Variants in THAP6 observed in about 807,000 individuals in gnomAD.
THAP6 encodes THAP domain containing 6, also known as THAP domain-containing protein 6.
THAP6 carries 13 observed loss-of-function variants against 20.0 expected under a neutral mutation model. The observed-to-expected ratio is 0.65, with a 90% confidence interval of 0.42 to 1.03. The LOEUF (loss-of-function observed/expected upper bound fraction) is 1.03. Among genes scored for constraint, THAP6 ranks in the 50% least tolerant of loss-of-function variants. The pLI, the probability that THAP6 is intolerant of heterozygous loss-of-function variation, is 0.00. For synonymous variants in THAP6, 93 were observed against 92.2 expected (o/e 1.01, Z -0.05); for missense variants, 262 against 261.6 (o/e 1.00, Z -0.01).
In THAP6 at chr4:75,515,436, T is replaced by C. The variant is rs1725512285; in HGVS notation, c.-17T>C. ...TAACATTCTAATTTTCTTTCAGTTT[T>C]GTTATGAGTTGCTAAAATGGTGAAA... On this transcript the variant is annotated 5_prime_UTR_variant, in exon 2 of 5. Transcript: ENST00000311638. 1.2e-6 allele frequency: 2 copies of C among 1,611,878 alleles called. No individual in the cohort carries two copies. The highest frequency in any genetic ancestry group is 3.3e-5 in the Admixed American group (2 of 60,002).
chr4:75,535,143 A>C (rs1159376609), intron 2 of THAP6, among the ~76,000 whole-genome samples: 1 of 152,064 alleles, frequency 6.6e-6, no homozygotes, highest in African/African-American at 2.4e-5. Context: ...ATCAGATCTC[A>C]TGAGACCCAT....
upstream of THAP6, chr4:75,514,423 C>G (rs182807912): frequency 1.7e-3 from 1,609 of 968,856 alleles, 23 homozygotes; most frequent in African/African-American, 0.024. Context: ...GCACGTGACC[C>G]GGGGCAGACG....
rs961444700 is a variant in THAP6 at position 75,515,431 on chromosome 4, A to G, written c.-20-2A>G. On this transcript the variant is annotated splice_acceptor_variant, in intron 1 of 4. Coordinates refer to ENST00000311638, the MANE Select transcript of THAP6 (RefSeq NM_144721.6). LOFTEE classifies it low-confidence loss of function (5UTR_SPLICE). ...ACTCTTAACATTCTAATTTTCTTTC[A>G]GTTTTGTTATGAGTTGCTAAAATGG... The G allele has an allele frequency of 6.2e-7, 1 of 1,609,764 alleles. No homozygotes were observed.
chr4:75,532,591 G>A (rs1726716577), downstream of THAP6, among the ~76,000 whole-genome samples: 1 of 152,192 alleles, frequency 6.6e-6, no homozygotes, highest in Admixed American at 6.5e-5. Context: ...CTTCTGCACT[G>A]CCCTAGCAGA....
Position 75,516,909 on chromosome 4 carries a change from G to C in THAP6, c.218G>C (p.Arg73Thr). The C allele has an allele frequency of 6.2e-7, 1 of 1,613,660 alleles. No homozygotes were observed. The highest frequency in any genetic ancestry group is 8.5e-7 in the Non-Finnish European group (1 of 1,179,952). ...CACTTTAAGAAGACAGATTTTGACA[G>C]AAGTGCTCCAAATATTAAACTGAAA... is the stretch of plus-strand genomic sequence containing the variant. ...SRHFKKTDFD[R>T]SAPNIKLKPG... Residue 73 changes from arginine to threonine, a missense_variant, in exon 3 of 5, where the codon AGA becomes ACA. By Grantham distance (71) the Arg-to-Thr change is moderately conservative. Transcript: ENST00000311638.
intron 2 of THAP6, among the ~76,000 whole-genome samples, chr4:75,538,737 A>G (rs1578282301): frequency 6.6e-6 from 1 of 152,334 alleles, no homozygotes; most frequent in East Asian, 1.9e-4. Flanking sequence ...CACGCTCAAG[A>G]TAAACAACTG....
rs192098463 is a variant in THAP6, at chr4:75,547,253, C to T, written c.244-2352C>T. Among the ~76,000 whole-genome samples, 652 of 152,250 alleles carry T rather than the reference C, an allele frequency of 4.3e-3. 4 individuals carry two copies. Among genetic ancestry groups the T allele is most frequent in the Admixed American group, 7.6e-3 (116 of 15,294 alleles). On this transcript the variant is annotated intron_variant, in intron 3 of 4. Transcript: ENST00000502620. ...CTAATCAAGATTTGGTTCTTCTGTA[C>T]ACTTAAAAGTGGTTAAAATGGTCAA... is the stretch of plus-strand genomic sequence containing the variant.
At chr4:75,538,606 G>A (rs549752346) in intron 2 of THAP6, among the ~76,000 whole-genome samples, 2 of 152,300 alleles carry the variant, frequency 1.3e-5, no homozygotes, top group South Asian at 2.1e-4. Flanking sequence ...CCTGGGTAGC[G>A]CCTGAGCCAT....
chr4:75,523,833 T>G (rs1726194788), intron 4 of THAP6, among the ~76,000 whole-genome samples: 1 of 151,526 alleles, frequency 6.6e-6, no homozygotes, highest in African/African-American at 2.4e-5. Flanking sequence ...AAAAGAAATC[T>G]TAGCCCAGAC....
chr4:75,531,061 A>G (rs1726665898), downstream of THAP6, among the ~76,000 whole-genome samples: 1 of 152,256 alleles, frequency 6.6e-6, no homozygotes, highest in Non-Finnish European at 1.5e-5. Context: ...AAGGCCTGCA[A>G]GGTTGCAAGG....
intron 3 of THAP6, among the ~76,000 whole-genome samples, chr4:75,519,885 A>G (rs1725916102): frequency 6.6e-6 from 1 of 151,838 alleles, no homozygotes; most frequent in South Asian, 2.1e-4. Context: ...CTAGTTCTAG[A>G]TCCCTGAGGA....
In THAP6 at chr4:75,516,910, A is replaced by T. The variant is rs1217577854; in HGVS notation, c.219A>T (p.Arg73Ser). The change falls in exon 3 of 5, where the codon AGA becomes AGT. Residue 73 changes from arginine to serine, a missense_variant. Physicochemically the swap from Arg to Ser is moderately radical, Grantham distance 110. Coordinates refer to ENST00000311638, the MANE Select transcript of THAP6 (RefSeq NM_144721.6). The stretch of plus-strand genomic sequence containing the variant: ...ACTTTAAGAAGACAGATTTTGACAG[A>T]AGTGCTCCAAATATTAAACTGAAAC... ...SRHFKKTDFDRSAPNIKLKPG... is the reference protein window; with the variant it reads ...SRHFKKTDFDSSAPNIKLKPG... The T allele has an allele frequency of 3.1e-6, 5 of 1,613,930 alleles. No individual in the cohort carries two copies. The Admixed American group carries it at 8.3e-5, about 27-fold the overall frequency.
Position 75,519,574 on chromosome 4 carries a change from C to T in THAP6, c.289-2162C>T, listed in dbSNP as rs192322678. On this transcript the variant is annotated intron_variant, in intron 3 of 4. Transcript: ENST00000311638. ...TTTCCCACCTGTGAGTGAGAATACG[C>T]GGTGTTTGGTTTTTTGTTCTTGCGA... Among the ~76,000 whole-genome samples, 239 of 150,626 alleles carry T rather than the reference C, an allele frequency of 1.6e-3. 1 individual carries two copies. The highest frequency in any genetic ancestry group is 2.8e-3 in the Admixed American group (42 of 14,998).
chr4:75,543,636 A>G (rs1044008202), intron 3 of THAP6, among the ~76,000 whole-genome samples: 1 of 152,244 alleles, frequency 6.6e-6, no homozygotes, highest in Non-Finnish European at 1.5e-5. Flanking sequence ...CATAGATTAC[A>G]GCCGATTCCT....
rs1031539930 is a variant in THAP6 at position 75,529,780 on chromosome 4, C to G, written c.*2566C>G. 1.4e-5 allele frequency: 14 copies of G among 985,406 alleles called. No homozygotes were observed. Among genetic ancestry groups the G allele is most frequent in the Non-Finnish European group, 1.6e-5 (13 of 829,928 alleles). The allele number at this position is 985,406 out of a possible 1,614,324, so 61.0% of individuals were successfully genotyped here. A position where few individuals can be genotyped will look rare whatever the true frequency, so the allele number is the denominator to read the frequency against. On this transcript the variant is annotated 3_prime_UTR_variant, in exon 5 of 5. Coordinates refer to ENST00000311638, the MANE Select transcript of THAP6 (RefSeq NM_144721.6). ...ACACATTAATACAACAGTTCAACCT[C>G]AGCACCAAGTCAGGTACGAAGCGCT...
chr4:75,516,352 T>C (rs1258906600), intron 2 of THAP6, among the ~76,000 whole-genome samples: 3 of 152,238 alleles, frequency 2.0e-5, no homozygotes, highest in African/African-American at 7.2e-5. Flanking sequence ...ACTAAGCAAT[T>C]TTCTGGTGCT....
intron 2 of THAP6, among the ~76,000 whole-genome samples, chr4:75,541,976 T>G (rs1247070315): frequency 6.7e-6 from 1 of 149,110 alleles, no homozygotes; most frequent in Non-Finnish European, 1.5e-5. Flanking sequence ...AAAAAGAAAA[T>G]CAAAACCATT....
chr4:75,514,042 A>G, upstream of THAP6: 2 of 1,223,024 alleles, frequency 1.6e-6, no homozygotes, highest in Non-Finnish European at 1.1e-6. Flanking sequence ...CCTTGCCAAA[A>G]ACGTTCTCCT....
chr4:75,520,585 T>C (rs550379413), intron 3 of THAP6, among the ~76,000 whole-genome samples: 7 of 152,216 alleles, frequency 4.6e-5, no homozygotes, highest in Non-Finnish European at 8.8e-5. Flanking sequence ...GTATAGGCTG[T>C]CATCTTTCCT....
Sources: allele counts gnomAD v4.1 joint callset (sites outside exome capture counted in the v4.1 genomes callset), GRCh38; gene constraint gnomAD v4.1.1; transcripts MANE v1.5; gene names NCBI Gene and HGNC (gene_info 2026-07-23, HGNC 2026-07-21).